Variants in TRMT11 observed in about 807,000 individuals in gnomAD.
TRMT11 encodes the protein tRNA (guanine(10)-N(2))-methyltransferase TRMT11.
A neutral mutation model predicts 62.8 loss-of-function variants in TRMT11; 53 were observed. The observed-to-expected ratio is 0.84, with a 90% CI of 0.68 to 1.06. TRMT11 has a LOEUF of 1.06. Among genes scored for constraint, TRMT11 ranks in the 50% least tolerant of loss-of-function variants. The probability of loss-of-function intolerance (pLI) is 0.00; values close to 1 mark genes in which losing one functional copy is unlikely to be tolerated. For missense variants in TRMT11, 556 were observed against 553.4 expected, an observed-to-expected ratio of 1.00 and a Z score of -0.05; for synonymous variants, 188 against 190.3, an observed-to-expected ratio of 0.99 and a Z score of 0.10.
the TRMT11 span, among the ~76,000 whole-genome samples, chr6:126,224,555 C>T: frequency 1.3e-5 from 2 of 152,212 alleles, no homozygotes; most frequent in Non-Finnish European, 2.9e-5. Context: ...CTGGCAACAA[C>T]ACTCTGATGA....
chr6:126,163,175 G>C (rs1009155221), intron 21 of TRMT11, among the ~76,000 whole-genome samples: 4 of 152,186 alleles, frequency 2.6e-5, no homozygotes, highest in Non-Finnish European at 5.9e-5. Context: ...TGCCCATTCA[G>C]TATGACATTG....
At chr6:126,120,775 A>G (rs1283351409) in intron 21 of TRMT11, among the ~76,000 whole-genome samples, 1 of 152,140 alleles carries the variant, frequency 6.6e-6, no homozygotes, top group Non-Finnish European at 1.5e-5. Context: ...ACAATGGTAG[A>G]AATGTGCCAG....
At chr6:126,046,026 T>G (rs1776047375) in intron 16 of TRMT11, among the ~76,000 whole-genome samples, 1 of 152,152 alleles carries the variant, frequency 6.6e-6, no homozygotes, top group South Asian at 2.1e-4. Context: ...TTTGGTCTTT[T>G]ACTGCCCTGA....
At position 126,122,513 on chromosome 6, in the gene TRMT11, C is replaced by T. The variant is rs929999516; in HGVS notation, c.*1823+6658C>T. ...ACTGACCATAAAGAAATTATCTGAC[C>T]CACATTGTTTGATTCTAGGACATAA... is the stretch of plus-strand genomic sequence containing the variant. On this transcript the variant is annotated intron_variant and NMD_transcript_variant, in intron 21 of 22. Coordinates refer to the TRMT11 transcript ENST00000648977. Among the ~76,000 whole-genome samples, 9 of 152,156 alleles carry T rather than the reference C, an allele frequency of 5.9e-5. 1 individual carries two copies. The East Asian group carries it at 1.7e-3, about 30-fold the overall frequency.
the TRMT11 span, among the ~76,000 whole-genome samples, chr6:126,215,209 C>T: frequency 6.6e-6 from 1 of 151,912 alleles, no homozygotes; most frequent in Middle Eastern, 3.2e-3. Context: ...GTCAATTTGG[C>T]CTAGGATGCA....
At chr6:126,003,801 G>C (rs1022338535) in intron 7 of TRMT11, among the ~76,000 whole-genome samples, 1 of 151,876 alleles carries the variant, frequency 6.6e-6, no homozygotes, top group Non-Finnish European at 1.5e-5. Flanking sequence ...ATTTTTCTGT[G>C]ATGTATGCTG....
the TRMT11 span, among the ~76,000 whole-genome samples, chr6:126,267,056 C>A: frequency 2.0e-5 from 3 of 152,024 alleles, no homozygotes; most frequent in Non-Finnish European, 2.9e-5. Flanking sequence ...TTGGTTTAGG[C>A]CCTGTTTCCA....
intron 12 of TRMT11, among the ~76,000 whole-genome samples, chr6:126,025,133 C>T (rs1772815496): frequency 6.6e-6 from 1 of 152,086 alleles, no homozygotes; most frequent in Non-Finnish European, 1.5e-5. Flanking sequence ...AATAAATCAG[C>T]CATTCTATTT....
chr6:126,119,577 GGTAAA>G (rs1777628105), intron 21 of TRMT11, among the ~76,000 whole-genome samples: 1 of 151,982 alleles, frequency 6.6e-6, no homozygotes, highest in South Asian at 2.1e-4. Context: ...ATGGAAAGAT[GGTAAA>G]GTACCAATGG....
chr6:126,154,831 C>CTGA (rs1194286250), intron 21 of TRMT11, among the ~76,000 whole-genome samples: 1 of 152,182 alleles, frequency 6.6e-6, no homozygotes, highest in African/African-American at 2.4e-5. Flanking sequence ...CAAGCATGGA[C>CTGA]TGATCTTTTG....
intron 2 of TRMT11, chr6:126,198,998 C>T (rs893648855): frequency 6.6e-6 from 1 of 152,176 alleles, no homozygotes; most frequent in Non-Finnish European, 1.5e-5. Flanking sequence ...TGTTTTGGAT[C>T]CAGTGACAAT....
At chr6:126,144,988 A>G (rs183454601) in intron 21 of TRMT11, among the ~76,000 whole-genome samples, 14 of 152,306 alleles carry the variant, frequency 9.2e-5, no homozygotes, top group Non-Finnish European at 1.6e-4. Context: ...GCCAATAAAT[A>G]TAGATCTCCA....
At chr6:126,056,926 A>T (rs1051681951) in intron 17 of TRMT11, among the ~76,000 whole-genome samples, 1 of 152,096 alleles carries the variant, frequency 6.6e-6, no homozygotes, top group African/African-American at 2.4e-5. Context: ...GTCTATTGAG[A>T]TAGGAGCTCT....
the TRMT11 span, among the ~76,000 whole-genome samples, chr6:126,246,087 C>G: frequency 2.0e-5 from 3 of 152,046 alleles, no homozygotes; most frequent in Non-Finnish European, 4.4e-5. Flanking sequence ...TTGAGACCAG[C>G]CTGGGCAACA....
chr6:126,207,383 AGAGATGG>A (rs1778800637), downstream of TRMT11, among the ~76,000 whole-genome samples: 1 of 152,204 alleles, frequency 6.6e-6, no homozygotes, highest in South Asian at 2.1e-4. Context: ...GAAGACCAAC[AGAGATGG>A]GAGATGGGTA....
At chr6:126,184,310 G>A (rs765486620) in intron 1 of TRMT11, among the ~76,000 whole-genome samples, 4 of 152,104 alleles carry the variant, frequency 2.6e-5, no homozygotes, top group Non-Finnish European at 4.4e-5. Flanking sequence ...TATATTATAT[G>A]TGTTCTCTAA....
chr6:126,244,128 A>G, the TRMT11 span, among the ~76,000 whole-genome samples: 2 of 152,074 alleles, frequency 1.3e-5, no homozygotes, highest in African/African-American at 4.8e-5. Flanking sequence ...ATGGGTTTCT[A>G]AGCATCTCGT....
chr6:126,262,335 G>A, the TRMT11 span, among the ~76,000 whole-genome samples: 1 of 152,174 alleles, frequency 6.6e-6, no homozygotes, highest in South Asian at 2.1e-4. Flanking sequence ...TAGCTGCATG[G>A]TAGTATTCTC....
chr6:126,201,971 A>G (rs1050486204), intron 3 of TRMT11: 1 of 152,214 alleles, frequency 6.6e-6, no homozygotes, highest in Non-Finnish European at 1.5e-5. Context: ...CCCCTGCACC[A>G]TTAATTTAAT....
Sources: gnomAD v4.1 joint callset for allele counts (sites outside exome capture counted in the v4.1 genomes callset) on GRCh38, gnomAD v4.1.1 for gene constraint, MANE v1.5 for transcripts, NCBI Gene and HGNC (gene_info 2026-07-23, HGNC 2026-07-21) for gene names.